The following NFIB variants were observed in gnomAD, a reference collection of about 807,000 sequenced individuals.
NFIB encodes nuclear factor I B.
NFIB carries 11 observed loss-of-function variants against 61.5 expected under a neutral mutation model. The ratio of observed to expected loss-of-function variants is 0.18; its 90% CI spans 0.11 to 0.30. The LOEUF is 0.30. NFIB is among the 10% of genes least tolerant of loss of function. The probability of loss-of-function intolerance (pLI) is 1.00; values close to 1 mark genes in which losing one functional copy is unlikely to be tolerated. For missense variants in NFIB, 471 were observed against 608.9 expected (o/e 0.77, Z 2.38); for synonymous variants, 260 against 216.5 (o/e 1.20, Z -1.76).
At chr9:14,413,331 G>A in the NFIB span, among the ~76,000 whole-genome samples, 3 of 152,120 alleles carry the variant, frequency 2.0e-5, no homozygotes, top group Non-Finnish European at 2.9e-5. Flanking sequence ...AATGAGGAGT[G>A]GGGGGAAGCA....
At chr9:14,315,547 G>A (rs1283656252), upstream of NFIB, among the ~76,000 whole-genome samples, 3 of 143,406 alleles carry the variant, frequency 2.1e-5, no homozygotes, top group Non-Finnish European at 4.6e-5. Context: ...GCTGCGGGGC[G>A]GGCCGGCGGG....
At chr9:14,107,123 T>C in intron 10 of NFIB, among the ~76,000 whole-genome samples, 1 of 152,056 alleles carries the variant, frequency 6.6e-6, no homozygotes, top group East Asian at 1.9e-4. Flanking sequence ...AAACAGATGC[T>C]TAAAAGGATT....
At chr9:14,361,015 T>G (rs931284334) in intron 1 of NFIB, among the ~76,000 whole-genome samples, 16 of 152,166 alleles carry the variant, frequency 1.1e-4, no homozygotes, top group Admixed American at 1.0e-3. Context: ...AAAAATAAAA[T>G]GATTTACATT....
chr9:14,244,590 A>T (rs1229268073), intron 2 of NFIB, among the ~76,000 whole-genome samples: 1 of 152,240 alleles, frequency 6.6e-6, no homozygotes, highest in Non-Finnish European at 1.5e-5. Context: ...ACTGCTTAGT[A>T]ACTTTGCAGC....
intron 3 of NFIB, among the ~76,000 whole-genome samples, chr9:14,156,459 G>C (rs1283988261): frequency 6.6e-6 from 1 of 152,168 alleles, no homozygotes; most frequent in African/African-American, 2.4e-5. Flanking sequence ...ACCTATTTCT[G>C]GGCATCTTTA....
intron 6 of NFIB, among the ~76,000 whole-genome samples, chr9:14,138,498 T>C (rs2041322873): frequency 6.6e-6 from 1 of 152,116 alleles, no homozygotes; most frequent in Non-Finnish European, 1.5e-5. Flanking sequence ...TGTTAGATTA[T>C]ATTAAGAAAT....
chr9:14,422,478 C>CA, the NFIB span, among the ~76,000 whole-genome samples: 2 of 152,140 alleles, frequency 1.3e-5, no homozygotes, highest in South Asian at 4.1e-4. Context: ...CTCATTCTGC[C>CA]AAAGCCCCCG....
chr9:14,420,445 C>CAAAAAAAAAAAAAAAAAA, the NFIB span, among the ~76,000 whole-genome samples: 43 of 42,428 alleles, frequency 1.0e-3, 3 homozygotes, highest in Non-Finnish European at 1.3e-3. Context: ...GACTCCGTCT[C>CAAAAAAAAAAAAAAAAAA]AAAAAAAAAA....
intron 1 of NFIB, among the ~76,000 whole-genome samples, chr9:14,312,159 G>A (rs1168085789): frequency 6.6e-6 from 1 of 152,164 alleles, no homozygotes; most frequent in Non-Finnish European, 1.5e-5. Flanking sequence ...CAGCCAAAAA[G>A]CTACAGGACT....
chr9:14,429,365 A>G, the NFIB span, among the ~76,000 whole-genome samples: 1 of 152,214 alleles, frequency 6.6e-6, no homozygotes, highest in South Asian at 2.1e-4. Context: ...CAAGGAGTCA[A>G]GAGTGGCAAA....
the NFIB span, among the ~76,000 whole-genome samples, chr9:14,500,106 C>A: frequency 1.3e-5 from 2 of 152,146 alleles, no homozygotes; most frequent in African/African-American, 4.8e-5. Context: ...TCACACTGGT[C>A]TGCTTTAAAT....
At chr9:14,390,286 A>G (rs944772606) in intron 1 of NFIB, among the ~76,000 whole-genome samples, 1 of 152,216 alleles carries the variant, frequency 6.6e-6, no homozygotes, top group Non-Finnish European at 1.5e-5. Flanking sequence ...TCTAAGCTTC[A>G]GTTTCCTTAT....
chr9:14,195,920 A>C (rs2048420796), intron 2 of NFIB, among the ~76,000 whole-genome samples: 1 of 152,182 alleles, frequency 6.6e-6, no homozygotes, highest in South Asian at 2.1e-4. Flanking sequence ...AAGAAAATGC[A>C]TAATAATAAA....
rs954496414 is a variant in NFIB, at chr9:14,155,984, T to C, written c.617-91A>G. 10 of 731,220 alleles carry C rather than the reference T, an allele frequency of 1.4e-5. No individual in the cohort carries two copies. The African/African-American group carries it at 1.7e-4, about 12-fold the overall frequency. 45.3% of individuals were successfully genotyped at this position (731,220 alleles called of 1,614,324 possible). ...TAGAATTTAAGTGTTTTAAAGCCAA[T>C]GGTTTGAACAAAAACCAAATATGCT... On this transcript the variant is annotated intron_variant, in intron 3 of 10. Coordinates refer to ENST00000380953, the MANE Select transcript of NFIB (RefSeq NM_001190737.2).
chr9:14,249,530 C>G (rs1159884522), intron 2 of NFIB, among the ~76,000 whole-genome samples: 1 of 151,930 alleles, frequency 6.6e-6, no homozygotes, highest in Admixed American at 6.6e-5. Context: ...TTTTTGTGAT[C>G]CTTTGATTTG....
chr9:14,356,880 T>C lies in NFIB; in HGVS notation c.108+41644A>G, dbSNP rs570241532. Among the ~76,000 whole-genome samples the C allele has an allele frequency of 4.6e-5, 7 of 152,286 alleles. No individual in the cohort carries two copies. In the East Asian group the frequency reaches 1.4e-3, roughly 29 times the overall value. Reference sequence around the variant, plus strand: ...CCGGTGAGTGGTCATGGGGCTGTTATGGGGAGATCCTGTTTTTAAGGATAT... The same window carrying C: ...CCGGTGAGTGGTCATGGGGCTGTTACGGGGAGATCCTGTTTTTAAGGATAT... On this transcript the variant is annotated intron_variant, in intron 1 of 8. Transcript: ENST00000380934.
At chr9:14,394,495 C>G (rs2061660051) in intron 1 of NFIB, among the ~76,000 whole-genome samples, 1 of 152,180 alleles carries the variant, frequency 6.6e-6, no homozygotes, top group Non-Finnish European at 1.5e-5. Flanking sequence ...GGCAAAAGAG[C>G]TTGTGCAAGG....
chr9:14,392,614 G>A (rs1173066836), intron 1 of NFIB, among the ~76,000 whole-genome samples: 1 of 151,994 alleles, frequency 6.6e-6, no homozygotes, highest in Non-Finnish European at 1.5e-5. Context: ...TGTAGTCCCA[G>A]CTACTCAGGA....
At chr9:14,173,787 G>A (rs1404872040) in intron 3 of NFIB, among the ~76,000 whole-genome samples, 1 of 152,092 alleles carries the variant, frequency 6.6e-6, no homozygotes, top group African/African-American at 2.4e-5. Flanking sequence ...AGGTGACTGG[G>A]GAGACATGGA....
Sources: gnomAD v4.1 joint callset for allele counts (sites outside exome capture counted in the v4.1 genomes callset) on GRCh38, gnomAD v4.1.1 for gene constraint, MANE v1.5 for transcripts, NCBI Gene and HGNC (gene_info 2026-07-23, HGNC 2026-07-21) for gene names.